The following COMMD1 variants were observed in gnomAD, a reference collection of about 807,000 sequenced individuals.
COMMD1 encodes the protein COMM domain-containing protein 1.
COMMD1 carries 10 observed loss-of-function variants against 17.2 expected under a neutral mutation model. The ratio of observed to expected loss-of-function variants is 0.58; its 90% CI spans 0.36 to 0.99. The LOEUF is 0.99. Among genes scored for constraint, COMMD1 ranks in the 50% least tolerant of loss-of-function variants. COMMD1 has a pLI of 0.01. For missense variants in COMMD1, 270 were observed against 231.8 expected, an observed-to-expected ratio of 1.17 and a Z score of -1.07; for synonymous variants, 97 against 91.6, an observed-to-expected ratio of 1.06 and a Z score of -0.34.
chr2:61,903,852 CT>C (rs747183537), upstream of COMMD1, among the ~76,000 whole-genome samples: 1 of 151,030 alleles, frequency 6.6e-6, no homozygotes, highest in Non-Finnish European at 1.5e-5. Flanking sequence ...TCAGTTGTCA[CT>C]TTGAAGGAAG....
chr2:62,120,022 G>C lies in COMMD1; in HGVS notation c.463-15809G>C, dbSNP rs777526610. Among the ~76,000 whole-genome samples, 6 of 152,016 alleles carry C rather than the reference G, an allele frequency of 3.9e-5. No homozygotes were observed. In the East Asian group the frequency reaches 9.6e-4, roughly 24 times the overall value. ...TCTTTTTTTATTTCATTTCGAGACA[G>C]GGTCTCACTCTGTTGGCCAAACTGG... On this transcript the variant is annotated intron_variant, in intron 2 of 2. Coordinates refer to ENST00000311832, the MANE Select transcript of COMMD1 (RefSeq NM_152516.4).
Position 62,085,288 on chromosome 2 carries a change from G to T in COMMD1, c.463-50543G>T, listed in dbSNP as rs563786820. ...GCTGGAGTGCAGTGGCGCGATCTCT[G>T]CTCACTGTAAGCTCCACCTCCTGGG... On this transcript the variant is annotated intron_variant, in intron 2 of 2. Transcript: ENST00000311832. 5.1e-4 allele frequency among the ~76,000 whole-genome samples: 77 copies of T among 150,744 alleles called. 1 individual carries two copies. Among genetic ancestry groups the T allele is most frequent in the African/African-American group, 1.8e-3 (73 of 40,814 alleles).
chr2:62,130,707 T>A (rs898162448), intron 2 of COMMD1, among the ~76,000 whole-genome samples: 1 of 152,244 alleles, frequency 6.6e-6, no homozygotes, highest in East Asian at 1.9e-4. Flanking sequence ...GTATTTAATA[T>A]GTGATAAGTC....
intron 2 of COMMD1, among the ~76,000 whole-genome samples, chr2:62,043,831 G>A (rs1017408786): frequency 2.0e-5 from 3 of 152,106 alleles, no homozygotes; most frequent in South Asian, 4.1e-4. Flanking sequence ...TGAATTTATC[G>A]TGCTGGTGTT....
At chr2:62,044,416 A>G (rs1317875355) in intron 2 of COMMD1, among the ~76,000 whole-genome samples, 1 of 152,140 alleles carries the variant, frequency 6.6e-6, no homozygotes, top group African/African-American at 2.4e-5. Context: ...CTGTTTGTGT[A>G]TTCTGTGTTC....
intron 2 of COMMD1, among the ~76,000 whole-genome samples, chr2:62,117,412 A>G (rs1672637376): frequency 6.6e-6 from 1 of 152,222 alleles, no homozygotes; most frequent in African/African-American, 2.4e-5. Flanking sequence ...CATGTGGGTA[A>G]TTAGTGCCTA....
At chr2:61,997,136 G>A (rs1404326077) in intron 1 of COMMD1, among the ~76,000 whole-genome samples, 1 of 149,818 alleles carries the variant, frequency 6.7e-6, no homozygotes, top group Non-Finnish European at 1.5e-5. Flanking sequence ...CTTGGCTTAT[G>A]CAGCCTTGAC....
At chr2:62,057,910 C>T (rs1039602825) in intron 2 of COMMD1, among the ~76,000 whole-genome samples, 2 of 152,126 alleles carry the variant, frequency 1.3e-5, no homozygotes, top group African/African-American at 4.8e-5. Flanking sequence ...TTCTTCTTGA[C>T]CCATGGTTTA....
intron 1 of COMMD1, among the ~76,000 whole-genome samples, chr2:61,897,170 T>C (rs1289245588): frequency 1.3e-5 from 2 of 152,136 alleles, no homozygotes; most frequent in Non-Finnish European, 2.9e-5. Context: ...ATCAAGGCCA[T>C]AAAAAATCTG....
intron 2 of COMMD1, among the ~76,000 whole-genome samples, chr2:62,124,535 G>A (rs1265636491): frequency 6.6e-6 from 1 of 151,690 alleles, no homozygotes; most frequent in Non-Finnish European, 1.5e-5. Context: ...TTTTAAAAAT[G>A]CCTTTTGTTT....
At chr2:62,052,854 C>A (rs1469035626) in intron 2 of COMMD1, among the ~76,000 whole-genome samples, 3 of 152,140 alleles carry the variant, frequency 2.0e-5, no homozygotes, top group Non-Finnish European at 4.4e-5. Context: ...GTGGGTGAAT[C>A]TCTTGAGCCC....
At chr2:61,917,571 A>G (rs1442461454) in intron 1 of COMMD1, among the ~76,000 whole-genome samples, 3 of 151,596 alleles carry the variant, frequency 2.0e-5, no homozygotes, top group Non-Finnish European at 4.4e-5. Flanking sequence ...TGTGTCTCCC[A>G]GGTTGGACTG....
intron 2 of COMMD1, chr2:62,069,696 A>G (rs887839826): frequency 1.3e-5 from 2 of 152,164 alleles, no homozygotes; most frequent in African/African-American, 4.8e-5. Flanking sequence ...AAGGGAGACT[A>G]CATGTTAGTT....
intron 2 of COMMD1, among the ~76,000 whole-genome samples, chr2:62,060,230 C>G (rs1334101992): frequency 1.3e-5 from 2 of 152,116 alleles, no homozygotes; most frequent in African/African-American, 4.8e-5. Context: ...ACTTGGGAGG[C>G]TGAGGTGGGA....
intron 2 of COMMD1, among the ~76,000 whole-genome samples, chr2:62,116,177 A>G (rs1478976694): frequency 6.6e-6 from 1 of 152,144 alleles, no homozygotes; most frequent in Non-Finnish European, 1.5e-5. Context: ...TTGAAATTAT[A>G]TAACAACAGT....
chr2:61,936,167 C>T (rs1670603222), intron 1 of COMMD1, among the ~76,000 whole-genome samples: 1 of 152,036 alleles, frequency 6.6e-6, no homozygotes, highest in Non-Finnish European at 1.5e-5. Flanking sequence ...TGAGGGTTAT[C>T]AGTTTTGATG....
chr2:62,001,513 C>G (rs991379538), intron 2 of COMMD1, among the ~76,000 whole-genome samples: 1 of 152,170 alleles, frequency 6.6e-6, no homozygotes, highest in Non-Finnish European at 1.5e-5. Flanking sequence ...CCAACAGTTA[C>G]AGCAGTCATT....
upstream of COMMD1, among the ~76,000 whole-genome samples, chr2:61,903,383 G>C (rs1323216724): frequency 6.6e-6 from 1 of 151,656 alleles, no homozygotes; most frequent in East Asian, 2.0e-4. Flanking sequence ...GGTGGATGTT[G>C]CAGTGAACCG....
chr2:62,132,583 C>T (rs769400757), intron 2 of COMMD1, among the ~76,000 whole-genome samples: 14 of 152,154 alleles, frequency 9.2e-5, no homozygotes, highest in Non-Finnish European at 1.5e-4. Context: ...CAGTGGCTCA[C>T]GCCTGTAATC....
Sources: gnomAD v4.1 joint callset for allele counts (sites outside exome capture counted in the v4.1 genomes callset) on GRCh38, gnomAD v4.1.1 for gene constraint, MANE v1.5 for transcripts, NCBI Gene and HGNC (gene_info 2026-07-23, HGNC 2026-07-21) for gene names.